Variants in ARHGAP26 observed in about 807,000 individuals in gnomAD.
ARHGAP26 encodes Rho GTPase activating protein 26.
Under a neutral mutation model 104.8 loss-of-function variants are expected in ARHGAP26, and 38 were observed. The ratio of observed to expected loss-of-function variants is 0.36; its 90% CI spans 0.28 to 0.48. The LOEUF (loss-of-function observed/expected upper bound fraction) is 0.48. ARHGAP26 is among the 20% of genes least tolerant of loss of function. The pLI, the probability that ARHGAP26 is intolerant of heterozygous loss-of-function variation, is 0.99. For synonymous variants in ARHGAP26, 341 were observed against 340.0 expected (o/e 1.00, Z -0.03); for missense variants, 704 against 947.9 (o/e 0.74, Z 3.38).
At chr5:142,991,318 A>T (rs1206310133) in intron 11 of ARHGAP26, among the ~76,000 whole-genome samples, 1 of 152,202 alleles carries the variant, frequency 6.6e-6, no homozygotes, top group African/African-American at 2.4e-5. Context: ...GGAAAAGCGC[A>T]GTATTAGGGT....
Position 142,903,634 on chromosome 5 carries a change from A to G in ARHGAP26, c.797A>G (p.Tyr266Cys). The G allele has an allele frequency of 6.2e-7, 1 of 1,613,972 alleles. No homozygotes were observed. The highest frequency in any genetic ancestry group is 8.5e-7 in the Non-Finnish European group (1 of 1,179,844). ...NPLEHKTISP[Y>C]TMEGYLYVQE... ...CTTGAGCACAAGACCATCAGTCCCT[A>G]CACCATGGAGGGATACCTCTACGTG... The change falls in exon 8 of 23, where the codon TAC becomes TGC. Residue 266 changes from tyrosine to cysteine, a missense_variant. Tyr to Cys is a radical substitution (Grantham distance 194). This residue lies in a region of ARHGAP26 where 287 missense variants were observed against 438.8 expected (regional missense o/e 0.65). Coordinates refer to ENST00000645722, the MANE Select transcript of ARHGAP26 (RefSeq NM_001135608.3).
chr5:143,142,803 A>G (rs1445355581), intron 19 of ARHGAP26, among the ~76,000 whole-genome samples: 5 of 152,182 alleles, frequency 3.3e-5, no homozygotes, highest in Non-Finnish European at 7.4e-5. Context: ...CTGCTGTGCT[A>G]TTATCATCCC....
intron 10 of ARHGAP26, among the ~76,000 whole-genome samples, chr5:142,922,896 C>T (rs1428641229): frequency 6.6e-6 from 1 of 152,132 alleles, no homozygotes; most frequent in Non-Finnish European, 1.5e-5. Context: ...GTGCTGGTCT[C>T]AATGCCATGA....
chr5:143,071,002 A>T (rs1320138084), intron 17 of ARHGAP26, among the ~76,000 whole-genome samples: 2 of 152,232 alleles, frequency 1.3e-5, no homozygotes, highest in African/African-American at 2.4e-5. Flanking sequence ...AAAGACCGTG[A>T]ATAGCAAAAG....
intron 20 of ARHGAP26, among the ~76,000 whole-genome samples, chr5:143,174,526 A>G (rs1425316050): frequency 6.6e-6 from 1 of 152,154 alleles, no homozygotes; most frequent in African/African-American, 2.4e-5. Flanking sequence ...TTTCCTGTCT[A>G]CCCTTTTATA....
chr5:143,056,905 C>G (rs1278062231), intron 16 of ARHGAP26, among the ~76,000 whole-genome samples: 19 of 152,140 alleles, frequency 1.2e-4, no homozygotes, highest in Admixed American at 1.2e-3. Context: ...AGGAGAAAGC[C>G]AGGAGCGAAG....
chr5:142,990,988 G>A (rs1775525329), intron 11 of ARHGAP26, among the ~76,000 whole-genome samples: 1 of 152,224 alleles, frequency 6.6e-6, no homozygotes, highest in Non-Finnish European at 1.5e-5. Flanking sequence ...TCTCTTCAAA[G>A]CTGTCAGATA....
intron 10 of ARHGAP26, among the ~76,000 whole-genome samples, chr5:142,918,758 C>T (rs1488956721): frequency 6.6e-6 from 1 of 152,056 alleles, no homozygotes; most frequent in African/African-American, 2.4e-5. Flanking sequence ...CTCTGCTTTC[C>T]CTCAAAAAGA....
chr5:142,807,803 T>C (rs1038254933), intron 1 of ARHGAP26, among the ~76,000 whole-genome samples: 1 of 152,226 alleles, frequency 6.6e-6, no homozygotes, highest in African/African-American at 2.4e-5. Flanking sequence ...CCCTTGCCTG[T>C]CCTTGGGAAC....
chr5:143,066,566 G>C (rs58417688), intron 17 of ARHGAP26, among the ~76,000 whole-genome samples: 8,284 of 152,238 alleles, frequency 0.054, 803 homozygotes, highest in African/African-American at 0.19. Flanking sequence ...GAAGATGATA[G>C]AGCTGGTTTT....
At chr5:142,782,979 G>A (rs1277494265) in intron 1 of ARHGAP26, among the ~76,000 whole-genome samples, 1 of 152,130 alleles carries the variant, frequency 6.6e-6, no homozygotes, top group African/African-American at 2.4e-5. Context: ...GGCAGGTCTG[G>A]AAACCCGAAT....
At chr5:142,992,829 C>T (rs1391364885) in intron 11 of ARHGAP26, among the ~76,000 whole-genome samples, 1 of 152,232 alleles carries the variant, frequency 6.6e-6, no homozygotes, top group Admixed American at 6.5e-5. Context: ...GCTGACACTG[C>T]TGGGTTCTGT....
At chr5:142,870,608 A>G (rs1321894231) in intron 1 of ARHGAP26, among the ~76,000 whole-genome samples, 1 of 152,178 alleles carries the variant, frequency 6.6e-6, no homozygotes, top group East Asian at 1.9e-4. Flanking sequence ...GGATTCATAT[A>G]TGAGGAAAGA....
rs149501375 is a variant in ARHGAP26, at chr5:142,806,639, G to T, written c.154+35724G>T. 3.5e-3 allele frequency among the ~76,000 whole-genome samples: 529 copies of T among 152,158 alleles called. 8 individuals are homozygous for T. The highest frequency in any genetic ancestry group is 0.012 in the African/African-American group (505 of 41,506). On this transcript the variant is annotated intron_variant, in intron 1 of 22. Transcript: ENST00000645722. Reference sequence around the variant, plus strand: ...TTTTCTTACATTATTGTGTAGTGTGGGCATCTAGAGTGATGCCTGGACGAC... The same window carrying T: ...TTTTCTTACATTATTGTGTAGTGTGTGCATCTAGAGTGATGCCTGGACGAC...
rs73288142 is a variant in ARHGAP26, at chr5:143,119,211, C to T, written c.1539-1777C>T. Among the ~76,000 whole-genome samples, 731 of 152,120 alleles carry T rather than the reference C, an allele frequency of 4.8e-3. 3 individuals are homozygous for T. The highest frequency in any genetic ancestry group is 0.016 in the African/African-American group (683 of 41,494). Reference sequence around the variant, plus strand: ...TCAGATGTAGTGTGGAGAAGCCTGACGGGGAAAAATGATCATCATCCAAAC... The same window carrying T: ...TCAGATGTAGTGTGGAGAAGCCTGATGGGGAAAAATGATCATCATCCAAAC... On this transcript the variant is annotated intron_variant, in intron 17 of 22. Transcript: ENST00000645722.
chr5:142,822,790 T>C (rs1766460276), intron 1 of ARHGAP26, among the ~76,000 whole-genome samples: 3 of 152,190 alleles, frequency 2.0e-5, no homozygotes, highest in Admixed American at 2.0e-4. Context: ...ATATTGGTTA[T>C]ATGACAGTCT....
intron 11 of ARHGAP26, among the ~76,000 whole-genome samples, chr5:142,936,108 AACACACACAC>A (rs149919795): frequency 6.4e-5 from 9 of 139,762 alleles, no homozygotes; most frequent in East Asian, 2.1e-4. Flanking sequence ...AATCCCAAGG[AACACACACAC>A]ACACACACAC....
At chr5:143,207,591 C>T (rs1295713326) in intron 21 of ARHGAP26, 2 of 1,228,208 alleles carry the variant, frequency 1.6e-6, no homozygotes, top group African/African-American at 1.5e-5. Context: ...TAAAAGGGAC[C>T]ATTTGCATGA....
chr5:143,179,540 C>G (rs1803999083), intron 20 of ARHGAP26, among the ~76,000 whole-genome samples: 1 of 152,194 alleles, frequency 6.6e-6, no homozygotes, highest in Non-Finnish European at 1.5e-5. Flanking sequence ...GCTTTTGGCC[C>G]TGGGGCATCT....
Sources: gnomAD v4.1 joint callset for allele counts (sites outside exome capture counted in the v4.1 genomes callset) on GRCh38, gnomAD v4.1.1 for gene constraint, gnomAD v4.1.1 regional missense constraint, MANE v1.5 for transcripts, NCBI Gene and HGNC (gene_info 2026-07-23, HGNC 2026-07-21) for gene names.